RFX3: variants seen among roughly 807,000 people sequenced by gnomAD.
RFX3 encodes the protein regulatory factor X3.
RFX3 carries 14 observed loss-of-function variants against 98.6 expected under a neutral mutation model. The observed-to-expected ratio is 0.14, with a 90% CI of 0.09 to 0.22. The LOEUF is 0.22. Ranked by LOEUF, RFX3 falls within the 10% of genes least tolerant of loss-of-function variation. The pLI is 1.00. For missense variants in RFX3, 639 were observed against 926.9 expected, an observed-to-expected ratio of 0.69 and a Z score of 4.03; for synonymous variants, 383 against 328.4, an observed-to-expected ratio of 1.17 and a Z score of -1.80.
At chr9:3,434,588 C>A (rs1463207091) in intron 1 of RFX3, among the ~76,000 whole-genome samples, 1 of 152,016 alleles carries the variant, frequency 6.6e-6, no homozygotes, top group Non-Finnish European at 1.5e-5. Context: ...TTGTACATTC[C>A]ACTTTCCTTA....
intron 1 of RFX3, among the ~76,000 whole-genome samples, chr9:3,410,134 G>A (rs889416655): frequency 7.0e-6 from 1 of 141,872 alleles, no homozygotes; most frequent in Admixed American, 7.2e-5. Context: ...GTTTCAGGGT[G>A]TTTAACACGA....
At chr9:3,514,165 A>G (rs369682733) in intron 1 of RFX3, among the ~76,000 whole-genome samples, 37 of 152,318 alleles carry the variant, frequency 2.4e-4, no homozygotes, top group African/African-American at 8.7e-4. Context: ...CATTCAAAGA[A>G]CTTCATCAGA....
rs554678438 is a variant in RFX3 at position 3,225,105 on chromosome 9, A to G, written c.2187T>C (p.Ile729=). 1 of 1,613,976 alleles carries G rather than the reference A, an allele frequency of 6.2e-7. No individual in the cohort carries two copies. The highest frequency in any genetic ancestry group is 8.5e-7 in the Non-Finnish European group (1 of 1,179,922). Residue 729 remains isoleucine (I), a synonymous_variant, in exon 17 of 17, where the codon ATT becomes ATC. Coordinates refer to ENST00000617270, the MANE Select transcript of RFX3 (RefSeq NM_001282116.2). ...GTCTGATAGTCTGAGTACTTGTGAC[A>G]ATGTGCTCGCTGTGAATTGGATTCA... The part of the protein sequence containing the change: ...SLLNPIHSEH[I]VTSTQTIRQC...
intron 1 of RFX3, chr9:3,488,926 T>A (rs1850505302): frequency 1.0e-6 from 1 of 981,512 alleles, no homozygotes; most frequent in African/African-American, 1.7e-5. Context: ...CAAATTGAAA[T>A]AAGGAGTACC....
At chr9:3,524,029 G>C (rs1438422376) in intron 1 of RFX3, among the ~76,000 whole-genome samples, 2 of 152,100 alleles carry the variant, frequency 1.3e-5, no homozygotes, top group Non-Finnish European at 2.9e-5. Flanking sequence ...AATTAGTACT[G>C]TCACATTATT....
At chr9:3,520,355 C>T (rs1818585041) in intron 1 of RFX3, among the ~76,000 whole-genome samples, 1 of 152,060 alleles carries the variant, frequency 6.6e-6, no homozygotes, top group South Asian at 2.1e-4. Context: ...AATCCATTAT[C>T]AAGATTAAAA....
At chr9:3,424,813 T>C (rs570992717) in intron 1 of RFX3, among the ~76,000 whole-genome samples, 29 of 152,344 alleles carry the variant, frequency 1.9e-4, no homozygotes, top group Non-Finnish European at 7.3e-5. Flanking sequence ...ATAATACATA[T>C]AGATCGAATT....
At chr9:3,366,264 G>A (rs1373090845) in intron 2 of RFX3, among the ~76,000 whole-genome samples, 1 of 152,112 alleles carries the variant, frequency 6.6e-6, no homozygotes, top group Non-Finnish European at 1.5e-5. Context: ...TTATAGGAGA[G>A]TACATATAGT....
intron 3 of RFX3, among the ~76,000 whole-genome samples, chr9:3,342,241 T>C (rs1833968987): frequency 6.6e-6 from 1 of 152,214 alleles, no homozygotes; most frequent in Admixed American, 6.5e-5. Context: ...TCTGGTTCTA[T>C]GCATTTCTAT....
intron 1 of RFX3, among the ~76,000 whole-genome samples, chr9:3,409,666 A>C (rs1842289832): frequency 1.3e-5 from 2 of 152,244 alleles, no homozygotes; most frequent in African/African-American, 4.8e-5. Context: ...ATGGCCATTC[A>C]GCAAATTTAT....
chr9:3,500,873 G>A (rs1377546060), intron 1 of RFX3, among the ~76,000 whole-genome samples: 2 of 152,098 alleles, frequency 1.3e-5, no homozygotes, highest in Non-Finnish European at 2.9e-5. Flanking sequence ...CAATAATTCT[G>A]TTAAGGATCT....
chr9:3,504,873 T>TAGG (rs1816658913), intron 1 of RFX3, among the ~76,000 whole-genome samples: 1 of 48,820 alleles, frequency 2.0e-5, no homozygotes, highest in Admixed American at 3.4e-4. Context: ...ATATATATTA[T>TAGG]ATATATTATA....
chr9:3,429,686 C>A (rs1482160403), intron 1 of RFX3, among the ~76,000 whole-genome samples: 1 of 152,130 alleles, frequency 6.6e-6, no homozygotes, highest in African/African-American at 2.4e-5. Context: ...TTTGGGCAGG[C>A]CGATAATTAA....
At chr9:3,298,479 T>C (rs186942301) in intron 5 of RFX3, among the ~76,000 whole-genome samples, 83 of 152,010 alleles carry the variant, frequency 5.5e-4, no homozygotes, top group African/African-American at 1.9e-3. Context: ...TTCTTTTTAT[T>C]CATTCAGCAA....
chr9:3,414,496 T>C (rs1274966386), intron 1 of RFX3, among the ~76,000 whole-genome samples: 1 of 150,916 alleles, frequency 6.6e-6, no homozygotes, highest in Non-Finnish European at 1.5e-5. Flanking sequence ...TATATATGTG[T>C]ATATACATAT....
chr9:3,424,621 A>G (rs185979526), intron 1 of RFX3, among the ~76,000 whole-genome samples: 1,589 of 151,894 alleles, frequency 0.01, 35 homozygotes, highest in African/African-American at 0.037. Flanking sequence ...CGGCCTCCCA[A>G]AGTGCTGGGA....
intron 4 of RFX3, chr9:3,324,176 G>A (rs548456640): frequency 8.0e-6 from 2 of 249,054 alleles, no homozygotes; most frequent in South Asian, 4.7e-5. Context: ...TAAGTGGACA[G>A]AGTCTTTTTT....
chr9:3,490,616 T>C (rs533907697), intron 1 of RFX3, among the ~76,000 whole-genome samples: 1 of 152,078 alleles, frequency 6.6e-6, no homozygotes, highest in Non-Finnish European at 1.5e-5. Context: ...AATCATAGTA[T>C]TGTAATAATA....
At position 3,507,071 on chromosome 9, in the gene RFX3, C is replaced by A. The variant is rs980199426; in HGVS notation, c.-9+18676G>T. On this transcript the variant is annotated intron_variant, in intron 1 of 16. Transcript: ENST00000617270. ...CTAGAAAAAGACACTGGGTCTCATG[C>A]TGAGTTCAAAAACCTTGATTATGGA... Among the ~76,000 whole-genome samples the A allele has an allele frequency of 4.0e-5, 6 of 151,856 alleles. No individual in the cohort carries two copies. The Admixed American group carries it at 4.0e-4, about 10-fold the overall frequency.
Sources: allele counts gnomAD v4.1 joint callset (sites outside exome capture counted in the v4.1 genomes callset), GRCh38; gene constraint gnomAD v4.1.1; transcripts MANE v1.5; gene names NCBI Gene and HGNC (gene_info 2026-07-23, HGNC 2026-07-21).